Variants in GARRE1 observed in about 807,000 individuals in gnomAD.
GARRE1 encodes the protein granule associated Rac and RHOG effector protein 1.
A neutral mutation model predicts 103.2 loss-of-function variants in GARRE1; 49 were observed. That is an observed-to-expected ratio of 0.47 (90% CI 0.38 to 0.60). The LOEUF is 0.60. Ranked by LOEUF, GARRE1 falls within the 20% of genes least tolerant of loss-of-function variation. GARRE1 has a pLI of 0.00. For missense variants in GARRE1, 1,199 were observed against 1,370.5 expected (o/e 0.87, Z 1.98); for synonymous variants, 505 against 532.8 (o/e 0.95, Z 0.72).
chr19:34,338,973 T>TA (rs1043814835), intron 8 of GARRE1, among the ~76,000 whole-genome samples: 3 of 151,800 alleles, frequency 2.0e-5, no homozygotes, highest in African/African-American at 7.3e-5. Context: ...AAGCAGGGGG[T>TA]TCATAAACAA....
chr19:34,326,315 A>G lies in GARRE1; in HGVS notation c.706-1106A>G, dbSNP rs556492470. Among the ~76,000 whole-genome samples, 239 of 152,378 alleles carry G rather than the reference A, an allele frequency of 1.6e-3. 2 individuals carry two copies. The highest frequency in any genetic ancestry group is 2.4e-3 in the Non-Finnish European group (162 of 68,032). On this transcript the variant is annotated intron_variant, in intron 3 of 13. Coordinates refer to ENST00000299505, the MANE Select transcript of GARRE1 (RefSeq NM_014686.5). Reference sequence around the variant, plus strand: ...ATTACAACTCCTACACTGGCCCAGCAGAACAAAAGCTAACTGCTAAAAAAT... The same window carrying G: ...ATTACAACTCCTACACTGGCCCAGCGGAACAAAAGCTAACTGCTAAAAAAT...
At chr19:34,348,915 G>A in intron 11 of GARRE1, 101 bp from the exon 12 acceptor site, 1 of 1,377,628 alleles carries the variant, frequency 7.3e-7, no homozygotes, top group Admixed American at 1.9e-5. Flanking sequence ...CCACTATTTG[G>A]TTATGGGATG....
intron 3 of GARRE1, among the ~76,000 whole-genome samples, chr19:34,321,803 A>G (rs1184070509): frequency 2.6e-5 from 4 of 152,174 alleles, no homozygotes; most frequent in Non-Finnish European, 5.9e-5. Flanking sequence ...CCCTTGGAAG[A>G]TCAGCTATTT....
At chr19:34,263,412 G>C (rs1333890300) in intron 1 of GARRE1, among the ~76,000 whole-genome samples, 1 of 151,916 alleles carries the variant, frequency 6.6e-6, no homozygotes, top group Non-Finnish European at 1.5e-5. Context: ...GGCTGAGTTA[G>C]CTTTTTCTTT....
rs1018456778 is a variant in GARRE1 at position 34,262,287 on chromosome 19, C to CTTTTTTTT, written c.-796+7694_-796+7701dup. ...AGTGAGCCACCATGCCCAGCTGCTGCTTTTTTTTTTTTTTTTTTTTTTTTT... is the reference window on the plus strand; with the variant it reads ...AGTGAGCCACCATGCCCAGCTGCTGCTTTTTTTTTTTTTTTTTTTTTTTTTTTTTTTTT... On this transcript the variant is annotated intron_variant, in intron 1 of 13. Transcript: ENST00000299505. Among the ~76,000 whole-genome samples the CTTTTTTTT allele has an allele frequency of 1.7e-3, 61 of 35,760 alleles. 24 individuals are homozygous for CTTTTTTTT. Among genetic ancestry groups the CTTTTTTTT allele is most frequent in the Non-Finnish European group, 2.8e-3 (50 of 18,170 alleles). The allele number at this position is 35,760 out of a possible 152,430, so 23.5% of individuals were successfully genotyped here. A position where few individuals can be genotyped will look rare whatever the true frequency, so the allele number is the denominator to read the frequency against.
intron 7 of GARRE1, among the ~76,000 whole-genome samples, chr19:34,331,021 T>C (rs2074135572): frequency 6.6e-6 from 1 of 151,784 alleles, no homozygotes; most frequent in Non-Finnish European, 1.5e-5. Context: ...TCCCTCGGCT[T>C]CCCGAGTAGC....
intron 2 of GARRE1, among the ~76,000 whole-genome samples, chr19:34,319,361 G>C (rs1471069913): frequency 6.6e-6 from 1 of 152,142 alleles, no homozygotes; most frequent in African/African-American, 2.4e-5. Flanking sequence ...AGACTGGTCT[G>C]TCAGCTTTGT....
In GARRE1 at chr19:34,352,751, C is replaced by T. The variant is rs368041031; in HGVS notation, c.3009C>T (p.Ser1003=). The T allele has an allele frequency of 1.6e-5, 26 of 1,614,012 alleles. No homozygotes were observed. The African/African-American group carries it at 3.3e-4, about 21-fold the overall frequency. Residue 1003 remains serine (S), a synonymous_variant, in exon 14 of 14, where the codon AGC becomes AGT. Coordinates refer to ENST00000299505, the MANE Select transcript of GARRE1 (RefSeq NM_014686.5). ...GCGCACCACTCTATGCAGTCACCAG[C>T]CCTGGCAGCCAGTGGAACGACACCA... is the stretch of plus-strand genomic sequence containing the variant. ...SPSAPLYAVT[S]PGSQWNDTMQ... is the part of the protein sequence containing the mutation.
At chr19:34,345,090 G>A (rs550245697) in intron 10 of GARRE1, among the ~76,000 whole-genome samples, 1 of 152,044 alleles carries the variant, frequency 6.6e-6, no homozygotes, top group African/African-American at 2.4e-5. Flanking sequence ...CGCCCACCTC[G>A]GCCTCCCAAA....
intron 1 of GARRE1, among the ~76,000 whole-genome samples, chr19:34,254,938 A>G (rs2073661534): frequency 6.6e-6 from 1 of 151,252 alleles, no homozygotes. Flanking sequence ...CAGGCGGGGA[A>G]AGGGGACGCT....
At chr19:34,295,200 A>C (rs139988228) in intron 1 of GARRE1, among the ~76,000 whole-genome samples, 2 of 152,120 alleles carry the variant, frequency 1.3e-5, no homozygotes, top group South Asian at 2.1e-4. Flanking sequence ...CTGGTCTTCA[A>C]TGTGGATGCA....
rs1289328349 is a variant in GARRE1, at chr19:34,300,466, C to T, written c.-8C>T. ...ACTTACGGTTGCTGGGACAATTCCC[C>T]CTCCCGCATGTATTGCTGCAGTGCC... On this transcript the variant is annotated 5_prime_UTR_variant, in exon 2 of 14. Coordinates refer to ENST00000299505, the MANE Select transcript of GARRE1 (RefSeq NM_014686.5). 1.3e-6 allele frequency: 2 copies of T among 1,538,794 alleles called. No homozygotes were observed. The highest frequency in any genetic ancestry group is 1.8e-6 in the Non-Finnish European group (2 of 1,139,926).
At chr19:34,279,455 A>C (rs2073837904) in intron 1 of GARRE1, among the ~76,000 whole-genome samples, 1 of 144,244 alleles carries the variant, frequency 6.9e-6, no homozygotes, top group Admixed American at 6.9e-5. Flanking sequence ...ACGCCTGGCT[A>C]TTTTTTTTTT....
rs370648880 is a variant in GARRE1 at position 34,354,990 on chromosome 19, G to A, written c.*2035G>A. The A allele has an allele frequency of 2.6e-5, 4 of 152,752 alleles. No individual in the cohort carries two copies. The highest frequency in any genetic ancestry group is 9.6e-5 in the African/African-American group (4 of 41,568). 9.5% of individuals were successfully genotyped at this position (152,752 alleles called of 1,614,324 possible). On this transcript the variant is annotated 3_prime_UTR_variant, in exon 14 of 14. Transcript: ENST00000299505. ...GCTCTTGTCTGTGTTAGCTGTCACGGTGTGCACACTAATCTCTGTTAAAGT... is the reference window on the plus strand; with the variant it reads ...GCTCTTGTCTGTGTTAGCTGTCACGATGTGCACACTAATCTCTGTTAAAGT...
intron 1 of GARRE1, among the ~76,000 whole-genome samples, chr19:34,273,570 T>C (rs1342578165): frequency 6.6e-6 from 1 of 152,190 alleles, no homozygotes; most frequent in African/African-American, 2.4e-5. Flanking sequence ...TTAGCACCCT[T>C]GGATGTTTTG....
chr19:34,306,968 G>A (rs182462649), intron 2 of GARRE1, among the ~76,000 whole-genome samples: 2 of 152,206 alleles, frequency 1.3e-5, no homozygotes, highest in African/African-American at 4.8e-5. Flanking sequence ...TCGAGTAAAG[G>A]CCTGAAAGGG....
At chr19:34,321,157 C>G in intron 3 of GARRE1, among the ~76,000 whole-genome samples, 1 of 144,572 alleles carries the variant, frequency 6.9e-6, no homozygotes, top group Non-Finnish European at 1.5e-5. Flanking sequence ...CCCAGGTTCA[C>G]GCCATTCTCC....
intron 11 of GARRE1, 44 bp from the exon 12 acceptor site, chr19:34,348,972 G>C: frequency 1.1e-5 from 17 of 1,602,284 alleles, no homozygotes; most frequent in Non-Finnish European, 1.4e-5. Context: ...GCGGGTGGTG[G>C]GGCTGCAGGA....
chr19:34,352,166 A>G (rs1415445059), intron 13 of GARRE1, among the ~76,000 whole-genome samples: 1 of 152,138 alleles, frequency 6.6e-6, no homozygotes, highest in Middle Eastern at 3.2e-3. Context: ...TTGGGAGGCC[A>G]AGGCGGGTGG....
Sources: allele counts gnomAD v4.1 joint callset (sites outside exome capture counted in the v4.1 genomes callset), GRCh38; gene constraint gnomAD v4.1.1; transcripts MANE v1.5; gene names NCBI Gene and HGNC (gene_info 2026-07-23, HGNC 2026-07-21).